The following SMG1 variants were observed in gnomAD, a reference collection of about 807,000 sequenced individuals.
The protein encoded by SMG1 is SMG1 nonsense mediated mRNA decay associated PI3K related kinase, also known as serine/threonine-protein kinase SMG1.
A neutral mutation model predicts 419.9 loss-of-function variants in SMG1; 22 were observed. The observed-to-expected ratio is 0.05, with a 90% CI of 0.04 to 0.07. The LOEUF is 0.07. Ranked by LOEUF, SMG1 falls within the 10% of genes least tolerant of loss-of-function variation. The pLI, the probability that SMG1 is intolerant of heterozygous loss-of-function variation, is 1.00. For synonymous variants in SMG1, 1,538 were observed against 1,553.5 expected (o/e 0.99, Z 0.23); for missense variants, 3,185 against 4,342.0 (o/e 0.73, Z 7.49).
At position 18,854,676 on chromosome 16, in the gene SMG1, G is replaced by T. The variant is rs753628889; in HGVS notation, c.4463C>A (p.Thr1488Asn). 3 of 1,613,428 alleles carry T rather than the reference G, an allele frequency of 1.9e-6. No homozygotes were observed. Among genetic ancestry groups the T allele is most frequent in the South Asian group, 1.1e-5 (1 of 91,024 alleles). ...KWGPELDIEK[T>N]KLLYTAGQST... ...CTAACCTGCTGTATAAAGCAATTTG[G>T]TTTTTTCAATATCAAGTTCGGGCCC... The change falls in exon 30 of 63, where the codon ACC becomes AAC. Residue 1488 changes from threonine to asparagine, a missense_variant. Physicochemically the swap from Thr to Asn is moderately conservative, Grantham distance 65. Coordinates refer to ENST00000446231, the MANE Select transcript of SMG1 (RefSeq NM_015092.5).
intron 29 of SMG1, 151 bp downstream of exon 29, chr16:18,858,019 G>C (rs892007477): frequency 9.8e-5 from 57 of 580,582 alleles, no homozygotes; most frequent in African/African-American, 6.6e-4. Flanking sequence ...ACGGTGTTCT[G>C]TATCTCGATC....
At chr16:18,856,871 A>AT (rs932541774) in intron 29 of SMG1, 4 of 151,946 alleles carry the variant, frequency 2.6e-5, no homozygotes, top group African/African-American at 7.3e-5. Flanking sequence ...TGGTCTCAAA[A>AT]AAAAAAAAAA....
intron 1 of SMG1, among the ~76,000 whole-genome samples, chr16:18,903,318 T>C (rs1246248852): frequency 6.6e-6 from 1 of 152,182 alleles, no homozygotes; most frequent in African/African-American, 2.4e-5. Context: ...TTTACATGCA[T>C]AATTGTCTTC....
At chr16:18,909,145 C>T (rs2037696449) in intron 1 of SMG1, among the ~76,000 whole-genome samples, 1 of 151,522 alleles carries the variant, frequency 6.6e-6, no homozygotes, top group African/African-American at 2.4e-5. Context: ...GAGTTCAAGA[C>T]CAGCCTGGCC....
intron 25 of SMG1, 118 bp downstream of exon 25, chr16:18,863,532 G>A (rs1304990651): frequency 6.6e-6 from 6 of 912,688 alleles, no homozygotes; most frequent in Middle Eastern, 3.4e-4. Context: ...ATGGCAGTAA[G>A]TTAGATATAT....
intron 1 of SMG1, among the ~76,000 whole-genome samples, chr16:18,920,030 G>C (rs2038133922): frequency 6.6e-6 from 1 of 151,808 alleles, no homozygotes. Flanking sequence ...GGTGGAGGTT[G>C]TACTGAGCCA....
At position 18,849,967 on chromosome 16, in the gene SMG1, G is replaced by A; in HGVS notation, c.5443C>T (p.Pro1815Ser). 1 of 1,613,926 alleles carries A rather than the reference G, an allele frequency of 6.2e-7. No homozygotes were observed. The highest frequency in any genetic ancestry group is 8.5e-7 in the Non-Finnish European group (1 of 1,179,880). ...GTCTCACCTCTCCATGGTGCAGTGG[G>A]TGTTGTCTCCAAGCCGTGCTCCAGA... is the stretch of plus-strand genomic sequence containing the variant. ...QYLEHGLETTPTAPWRGIIPQ... is the reference protein window; with the variant it reads ...QYLEHGLETTSTAPWRGIIPQ... The change falls in exon 35 of 63, where the codon CCC becomes TCC. Residue 1815 changes from proline to serine, a missense_variant. Coordinates refer to ENST00000446231, the MANE Select transcript of SMG1 (RefSeq NM_015092.5).
chr16:18,894,827 T>C (rs2037045906), intron 3 of SMG1, among the ~76,000 whole-genome samples: 1 of 152,098 alleles, frequency 6.6e-6, no homozygotes, highest in South Asian at 2.1e-4. Flanking sequence ...TTTTTGTTGT[T>C]GTTTTTTTGA....
chr16:18,847,577 C>A lies in SMG1; in HGVS notation c.5872G>T (p.Val1958Phe). ...CAGAGCTCATCCCAGAGCACAGTGA[C>A]CCTGCGCAGTTCAGCCACGAGCATC... is the stretch of plus-strand genomic sequence containing the variant. The part of the protein sequence containing the change: ...VQMLVAELRR[V>F]TVLWDELWLG... Residue 1958 changes from valine (V) to phenylalanine (F), a missense_variant, in exon 38 of 63, where the codon GTC becomes TTC. Physicochemically the swap from Val to Phe is conservative, Grantham distance 50. Transcript: ENST00000446231. 1.9e-6 allele frequency: 3 copies of A among 1,613,998 alleles called. No individual in the cohort carries two copies. The highest frequency in any genetic ancestry group is 2.5e-6 in the Non-Finnish European group (3 of 1,179,898).
chr16:18,838,401 C>T lies in SMG1; in HGVS notation c.7150G>A (p.Gly2384Ser). ...AATACACCTTCTACTCCAGTTACAC[C>T]CAGTGCTGTTTCAATGTTTTGTGTC... Reference protein sequence around the residue: ...RMTQNIETALGVTGVEGVFRL... With the variant: ...RMTQNIETALSVTGVEGVFRL... Residue 2384 changes from glycine (G) to serine (S), a missense_variant, in exon 44 of 63, where the codon GGT becomes AGT. By Grantham distance (56) the Gly-to-Ser change is moderately conservative. This residue lies in a region of SMG1 where 60 missense variants were observed against 133.9 expected (regional missense o/e 0.45). Coordinates refer to ENST00000446231, the MANE Select transcript of SMG1 (RefSeq NM_015092.5). 1 of 1,613,576 alleles carries T rather than the reference C, an allele frequency of 6.2e-7. No homozygotes were observed. The highest frequency in any genetic ancestry group is 2.2e-5 in the East Asian group (1 of 44,882).
chr16:18,910,837 TAAAATA>T (rs1394369313), intron 1 of SMG1, among the ~76,000 whole-genome samples: 1 of 152,012 alleles, frequency 6.6e-6, no homozygotes, highest in Non-Finnish European at 1.5e-5. Flanking sequence ...AAAATAAAAT[TAAAATA>T]AAAATATGTA....
chr16:18,886,668 G>C (rs188915164), intron 6 of SMG1, among the ~76,000 whole-genome samples: 4 of 152,234 alleles, frequency 2.6e-5, no homozygotes, highest in Admixed American at 6.5e-5. Context: ...AGAGCACAGT[G>C]GCACATGCCT....
At chr16:18,853,927 A>G in intron 30 of SMG1, 60 bp from the exon 31 acceptor site, 1 of 1,461,622 alleles carries the variant, frequency 6.8e-7, no homozygotes, top group Admixed American at 2.3e-5. Context: ...GGAGGGAGGC[A>G]CTTGGATTAG....
chr16:18,828,572 A>G (rs1207382402), intron 54 of SMG1, among the ~76,000 whole-genome samples: 2 of 152,230 alleles, frequency 1.3e-5, no homozygotes, highest in African/African-American at 4.8e-5. Context: ...TAGGCTTCTA[A>G]AAACCATTTC....
At chr16:18,871,157 G>T (rs1478164833) in intron 16 of SMG1, among the ~76,000 whole-genome samples, 1 of 151,828 alleles carries the variant, frequency 6.6e-6, no homozygotes, top group Non-Finnish European at 1.5e-5. Context: ...AAACATTCAC[G>T]TAAGCTTAAA....
intron 23 of SMG1, 43 bp from the exon 24 acceptor site, chr16:18,864,187 C>CTTTTTTTTTTTTTTT (rs748193551): frequency 5.7e-6 from 3 of 526,210 alleles, no homozygotes; most frequent in South Asian, 3.4e-5. Flanking sequence ...TATCTACTTA[C>CTTTTTTTTTTTTTTT]TTTTTTTTTT....
At chr16:18,846,624 T>C (rs1050098351) in intron 38 of SMG1, among the ~76,000 whole-genome samples, 1 of 151,984 alleles carries the variant, frequency 6.6e-6, no homozygotes, top group African/African-American at 2.4e-5. Flanking sequence ...GAAAGGAAGC[T>C]CAACATCACT....
intron 1 of SMG1, among the ~76,000 whole-genome samples, chr16:18,918,880 A>G (rs1373606334): frequency 6.6e-6 from 1 of 152,114 alleles, no homozygotes; most frequent in Non-Finnish European, 1.5e-5. Flanking sequence ...CCTAAGTGAC[A>G]GAGCAAGACT....
rs181586821 is a variant in SMG1 at position 18,866,491 on chromosome 16, T to G, written c.3350+130A>C. The G allele has an allele frequency of 8.4e-3, 6,653 of 795,074 alleles. 68 individuals are homozygous for G. Among genetic ancestry groups the G allele is most frequent in the Non-Finnish European group, 8.8e-3 (4,255 of 481,664 alleles). The allele number at this position is 795,074 out of a possible 1,614,324, so 49.3% of individuals were successfully genotyped here. On this transcript the variant is annotated intron_variant, in intron 23 of 62. Coordinates refer to ENST00000446231, the MANE Select transcript of SMG1 (RefSeq NM_015092.5). The stretch of plus-strand genomic sequence containing the variant: ...AAACTGAAGACGCCTCCTGGTGAAG[T>G]GATTTATAGCAAGCTTCAATGCTGA...
Sources: gnomAD v4.1 joint callset for allele counts (sites outside exome capture counted in the v4.1 genomes callset) on GRCh38, gnomAD v4.1.1 for gene constraint, gnomAD v4.1.1 regional missense constraint, MANE v1.5 for transcripts, NCBI Gene and HGNC (gene_info 2026-07-23, HGNC 2026-07-21) for gene names.